TRDN: variants seen among roughly 807,000 people sequenced by gnomAD.
TRDN encodes triadin.
A neutral mutation model predicts 149.7 loss-of-function variants in TRDN; 161 were observed. The ratio of observed to expected loss-of-function variants is 1.08; its 90% CI spans 0.95 to 1.23. The LOEUF is 1.23. TRDN is among the 50% of genes most tolerant of loss of function. TRDN has a pLI of 0.00. For synonymous variants in TRDN, 294 were observed against 250.5 expected (o/e 1.17, Z -1.64); for missense variants, 896 against 823.5 (o/e 1.09, Z -1.08).
At chr6:123,529,403 T>C (rs1170430114) in intron 5 of TRDN, 2 of 1,503,814 alleles carry the variant, frequency 1.3e-6, no homozygotes, top group Non-Finnish European at 1.8e-6. Context: ...TTCAATGTTC[T>C]GATTGTTGAA....
intron 38 of TRDN, among the ~76,000 whole-genome samples, chr6:123,239,713 A>G (rs1582761073): frequency 6.6e-6 from 1 of 152,118 alleles, no homozygotes; most frequent in Non-Finnish European, 1.5e-5. Context: ...TAATGAAAAT[A>G]CTACATATAA....
chr6:123,426,516 G>T (rs1774124164), intron 12 of TRDN, among the ~76,000 whole-genome samples: 1 of 152,136 alleles, frequency 6.6e-6, no homozygotes. Flanking sequence ...TTTTTAGAGG[G>T]AAGACAGCCC....
chr6:123,344,153 G>A (rs997638461), intron 21 of TRDN, among the ~76,000 whole-genome samples: 2 of 151,964 alleles, frequency 1.3e-5, no homozygotes, highest in Non-Finnish European at 2.9e-5. Flanking sequence ...CCCAGTCAAT[G>A]GCAGTTTGTT....
intron 19 of TRDN, among the ~76,000 whole-genome samples, chr6:123,366,461 A>G (rs1055503380): frequency 6.6e-6 from 1 of 152,166 alleles, no homozygotes; most frequent in African/African-American, 2.4e-5. Context: ...TAGACTTTAG[A>G]TCAATAGTTC....
chr6:123,258,462 G>C (rs112421859), intron 35 of TRDN, among the ~76,000 whole-genome samples: 1 of 152,152 alleles, frequency 6.6e-6, no homozygotes, highest in East Asian at 1.9e-4. Context: ...GGTTGAACCA[G>C]CCTTGCATCC....
intron 24 of TRDN, among the ~76,000 whole-genome samples, chr6:123,302,877 G>A (rs1447049381): frequency 7.2e-5 from 11 of 152,074 alleles, no homozygotes; most frequent in Non-Finnish European, 4.4e-5. Context: ...AGGTGATGCT[G>A]ATGTTGTTCT....
At chr6:123,562,944 C>G (rs1257913855) in intron 2 of TRDN, among the ~76,000 whole-genome samples, 17 of 152,158 alleles carry the variant, frequency 1.1e-4, no homozygotes, top group Admixed American at 1.1e-3. Flanking sequence ...TTTTCAATAT[C>G]TGAGGCATGG....
At chr6:123,386,468 G>A (rs1258397697) in intron 14 of TRDN, among the ~76,000 whole-genome samples, 3 of 152,176 alleles carry the variant, frequency 2.0e-5, no homozygotes, top group Admixed American at 6.5e-5. Flanking sequence ...TCACCATGAT[G>A]TCCTGGCAAC....
intron 21 of TRDN, among the ~76,000 whole-genome samples, chr6:123,346,748 T>G (rs1162220072): frequency 6.6e-6 from 1 of 151,984 alleles, no homozygotes; most frequent in Admixed American, 6.6e-5. Context: ...GTGTCTCTTT[T>G]CTACTGAGAG....
At chr6:123,515,764 A>G (rs550515173) in intron 6 of TRDN, among the ~76,000 whole-genome samples, 87 of 152,230 alleles carry the variant, frequency 5.7e-4, no homozygotes, top group African/African-American at 2.0e-3. Flanking sequence ...ATAAATAACA[A>G]TTAGAAATTA....
chr6:123,527,526 A>C (rs1179267587), intron 5 of TRDN, among the ~76,000 whole-genome samples: 1 of 151,900 alleles, frequency 6.6e-6, no homozygotes, highest in Non-Finnish European at 1.5e-5. Flanking sequence ...CCATCACCCT[A>C]ATGTGGAATC....
intron 24 of TRDN, among the ~76,000 whole-genome samples, chr6:123,293,861 T>C (rs1035653102): frequency 6.6e-6 from 1 of 151,994 alleles, no homozygotes; most frequent in Admixed American, 6.6e-5. Context: ...CCCCCAGGGG[T>C]CACTGTCCAT....
At chr6:123,560,552 A>T (rs1781930397) in intron 2 of TRDN, among the ~76,000 whole-genome samples, 1 of 152,206 alleles carries the variant, frequency 6.6e-6, no homozygotes, top group Non-Finnish European at 1.5e-5. Flanking sequence ...TATCCTGATA[A>T]GGTAGCTAAA....
chr6:123,612,852 G>A (rs1485629831), intron 1 of TRDN, among the ~76,000 whole-genome samples: 1 of 152,182 alleles, frequency 6.6e-6, no homozygotes, highest in Non-Finnish European at 1.5e-5. Flanking sequence ...CCTAGGGACA[G>A]TAGACAGACT....
intron 21 of TRDN, among the ~76,000 whole-genome samples, chr6:123,344,577 G>A (rs745317588): frequency 6.6e-6 from 1 of 151,820 alleles, no homozygotes; most frequent in East Asian, 1.9e-4. Context: ...ATAATTTAAG[G>A]TTCTTCTATG....
chr6:123,546,879 G>A (rs1408503571), intron 4 of TRDN, among the ~76,000 whole-genome samples: 3 of 152,012 alleles, frequency 2.0e-5, no homozygotes, highest in African/African-American at 7.2e-5. Context: ...TTGCCTCCTA[G>A]GCTGTTATGT....
At chr6:123,636,587 G>A (rs1463281961) in intron 1 of TRDN, among the ~76,000 whole-genome samples, 167 bp downstream of exon 1, 1 of 151,880 alleles carries the variant, frequency 6.6e-6, no homozygotes, top group African/African-American at 2.4e-5. Context: ...ATACAGATCT[G>A]GCAGCCTCTC....
chr6:123,327,064 C>T (rs1488462556), intron 23 of TRDN, among the ~76,000 whole-genome samples: 1 of 151,972 alleles, frequency 6.6e-6, no homozygotes, highest in Admixed American at 6.6e-5. Flanking sequence ...TTGAAGATGT[C>T]TTAAATTTCT....
intron 6 of TRDN, among the ~76,000 whole-genome samples, chr6:123,513,096 C>A (rs1779254315): frequency 6.6e-6 from 1 of 152,088 alleles, no homozygotes; most frequent in African/African-American, 2.4e-5. Context: ...GCAAGTGTCC[C>A]TAACACATGC....
Sources: allele counts gnomAD v4.1 joint callset (sites outside exome capture counted in the v4.1 genomes callset), GRCh38; gene constraint gnomAD v4.1.1; transcripts MANE v1.5; gene names NCBI Gene and HGNC (gene_info 2026-07-23, HGNC 2026-07-21).